Variants in UGT1A10 observed in about 807,000 individuals in gnomAD.
UGT1A10 encodes UDP-glucuronosyltransferase 1A10.
In UGT1A10, 49 loss-of-function variants were observed where a neutral mutation model predicts 45.8. That is an observed-to-expected ratio of 1.07 (90% CI 0.85 to 1.36). UGT1A10 has a LOEUF of 1.36. Ranked by LOEUF, UGT1A10 falls within the 40% of genes most tolerant of loss-of-function variation. UGT1A10 has a pLI of 0.00. For synonymous variants in UGT1A10, 284 were observed against 249.7 expected, an observed-to-expected ratio of 1.14 and a Z score of -1.29; for missense variants, 745 against 668.6, an observed-to-expected ratio of 1.11 and a Z score of -1.26.
rs1699786143 is a variant in UGT1A10 at position 233,769,071 on chromosome 2, C to T, written c.1295+632C>T. Among the ~76,000 whole-genome samples, 1 of 152,122 alleles carries T rather than the reference C, an allele frequency of 6.6e-6. No homozygotes were observed. The highest frequency in any genetic ancestry group is 2.1e-4 in the South Asian group (1 of 4,832). On this transcript the variant is annotated intron_variant, in intron 4 of 4. Transcript: ENST00000344644. The surrounding 1 kb of genome is among the most constrained non-coding windows in gnomAD (Gnocchi z 4.4). ...TAAGTTTCCTGCACAGAAAGAAATA[C>T]TCCATTATAAGAAGCATAGTATCTT...
intron 1 of UGT1A10, among the ~76,000 whole-genome samples, chr2:233,764,636 A>G (rs757477318): frequency 9.9e-5 from 15 of 152,106 alleles, no homozygotes; most frequent in Non-Finnish European, 1.9e-4. Flanking sequence ...CAAAGGTCCT[A>G]GGAAATTTAA....
At position 233,636,936 on chromosome 2, in the gene UGT1A10, G is replaced by A. The variant is rs1322316630; in HGVS notation, c.414G>A (p.Lys138=). The change falls in exon 1 of 5, where the codon AAG becomes AAA. Residue 138 remains lysine, a synonymous_variant. Coordinates refer to ENST00000344644, the MANE Select transcript of UGT1A10 (RefSeq NM_019075.4). ...ACCGAAAATTAGTAGAATACTTAAAGGAGAGTTCTTTTGATGCAGTGTTTC... is the reference window on the plus strand; with the variant it reads ...ACCGAAAATTAGTAGAATACTTAAAAGAGAGTTCTTTTGATGCAGTGTTTC... ...FNDRKLVEYL[K]ESSFDAVFLD... The A allele has an allele frequency of 3.7e-6, 6 of 1,613,980 alleles. No individual in the cohort carries two copies. In the Admixed American group the frequency reaches 6.7e-5, roughly 18 times the overall value.
intron 1 of UGT1A10, among the ~76,000 whole-genome samples, chr2:233,652,482 G>A (rs1023767672): frequency 6.6e-6 from 1 of 152,060 alleles, no homozygotes; most frequent in African/African-American, 2.4e-5. Flanking sequence ...TTCACTAAAT[G>A]TAAGAAATAA....
At chr2:233,732,348 G>A (rs2078262793) in intron 1 of UGT1A10, among the ~76,000 whole-genome samples, 1 of 152,214 alleles carries the variant, frequency 6.6e-6, no homozygotes, top group Non-Finnish European at 1.5e-5. Context: ...TGGTGTTTTA[G>A]TCATGAAGTC....
intron 1 of UGT1A10, chr2:233,729,631 A>C (rs141036072): frequency 6.2e-7 from 1 of 1,613,646 alleles, no homozygotes; most frequent in Non-Finnish European, 8.5e-7. Context: ...GTCGATTCCT[A>C]CTGTGTTTTT....
chr2:233,694,499 A>G (rs1315589494), intron 1 of UGT1A10, among the ~76,000 whole-genome samples: 1 of 152,222 alleles, frequency 6.6e-6, no homozygotes, highest in African/African-American at 2.4e-5. Flanking sequence ...GTGTTTACAG[A>G]TGCCCTCCTG....
chr2:233,747,196 T>C, intron 1 of UGT1A10: 1 of 1,604,480 alleles, frequency 6.2e-7, no homozygotes, highest in Non-Finnish European at 8.5e-7. Flanking sequence ...CAGTCAGCTG[T>C]CCGTGTCTTC....
intron 1 of UGT1A10, among the ~76,000 whole-genome samples, chr2:233,658,221 G>A (rs1487906584): frequency 1.3e-5 from 2 of 152,090 alleles, no homozygotes; most frequent in Non-Finnish European, 2.9e-5. Context: ...GTTTCACCAT[G>A]TTGACCAGGC....
intron 1 of UGT1A10, among the ~76,000 whole-genome samples, chr2:233,696,207 T>C (rs1053095318): frequency 6.6e-6 from 1 of 152,240 alleles, no homozygotes; most frequent in Non-Finnish European, 1.5e-5. Context: ...ATGTTTATTA[T>C]AGCACTATTC....
chr2:233,639,151 A>G (rs1410412373), intron 1 of UGT1A10, among the ~76,000 whole-genome samples: 1 of 152,232 alleles, frequency 6.6e-6, no homozygotes, highest in African/African-American at 2.4e-5. Context: ...TATCTATAAA[A>G]AATGAAACAT....
At chr2:233,681,302 G>A (rs1444102489) in intron 1 of UGT1A10, among the ~76,000 whole-genome samples, 4 of 151,962 alleles carry the variant, frequency 2.6e-5, no homozygotes, top group African/African-American at 7.2e-5. Flanking sequence ...GGGAGGCCGA[G>A]ATGGGCAGAT....
At chr2:233,760,803 GC>G (rs773292758) in intron 1 of UGT1A10, 1 of 1,613,342 alleles carries the variant, frequency 6.2e-7, no homozygotes, top group South Asian at 1.1e-5. Flanking sequence ...TATTCTTCTT[GC>G]ATGCACTGCC....
In UGT1A10 at chr2:233,637,129, T is replaced by C. The variant is rs2073315748; in HGVS notation, c.607T>C (p.Phe203Leu). The C allele has an allele frequency of 6.2e-7, 1 of 1,613,848 alleles. No homozygotes were observed. Among genetic ancestry groups the C allele is most frequent in the Admixed American group, 1.7e-5 (1 of 59,994 alleles). Residue 203 changes from phenylalanine to leucine, a missense_variant, in exon 1 of 5, where the codon TTC becomes CTC. Phe to Leu is a conservative substitution (Grantham distance 22). Transcript: ENST00000344644. ...DLLGFSDAMT[F>L]KERVWNHIVH... ...CTTAGGGTTCTCAGATGCCATGACT[T>C]TCAAGGAGAGAGTATGGAACCACAT...
rs1559415650 is a variant in UGT1A10, at chr2:233,768,355, A to G, written c.1211A>G (p.Lys404Arg). ...GACAATGCAAAGCGCATGGAGACTA[A>G]GGGAGCTGGAGTGACCCTGAATGTT... is the stretch of plus-strand genomic sequence containing the variant. The part of the protein sequence containing the change: ...QMDNAKRMET[K>R]GAGVTLNVLE... The change falls in exon 4 of 5, where the codon AAG becomes AGG. Residue 404 changes from lysine to arginine, a missense_variant. Coordinates refer to ENST00000344644, the MANE Select transcript of UGT1A10 (RefSeq NM_019075.4). The G allele has an allele frequency of 6.2e-7, 1 of 1,614,200 alleles. No individual in the cohort carries two copies. The highest frequency in any genetic ancestry group is 1.1e-5 in the South Asian group (1 of 91,084).
Position 233,648,154 on chromosome 2 carries a change from T to C in UGT1A10, c.855+10777T>C, listed in dbSNP as rs144106938. On this transcript the variant is annotated intron_variant, in intron 1 of 4. Transcript: ENST00000344644. Reference sequence around the variant, plus strand: ...GGAAGCAGAAGTACGACGCTTATTTTCTCTATTAATGAGTTCATCCAAATG... The same window carrying C: ...GGAAGCAGAAGTACGACGCTTATTTCCTCTATTAATGAGTTCATCCAAATG... 11,429 of 1,185,078 alleles carry C rather than the reference T, an allele frequency of 9.6e-3. 144 individuals carry two copies. The highest frequency in any genetic ancestry group is 9.2e-3 in the Non-Finnish European group (7,774 of 847,752). The allele number at this position is 1,185,078 out of a possible 1,614,324, so 73.4% of individuals were successfully genotyped here.
rs1328380095 is a variant in UGT1A10, at chr2:233,769,540, G to A, written c.1295+1101G>A. On this transcript the variant is annotated intron_variant, in intron 4 of 4. Coordinates refer to ENST00000344644, the MANE Select transcript of UGT1A10 (RefSeq NM_019075.4). The surrounding 1 kb of genome is among the most constrained non-coding windows in gnomAD (Gnocchi z 4.4). ...TGGTTACCTCCTTTAGAAAGAAGCA[G>A]CAGTCAGGAAGACAGATGTGAAGAG... The A allele has an allele frequency of 1.9e-6, 3 of 1,612,926 alleles. No homozygotes were observed. In the South Asian group the frequency reaches 3.3e-5, roughly 18 times the overall value.
chr2:233,693,979 G>A, intron 1 of UGT1A10: 1 of 1,559,558 alleles, frequency 6.4e-7, no homozygotes. Context: ...AGAAACGGTG[G>A]GGGGAAGTGA....
intron 1 of UGT1A10, among the ~76,000 whole-genome samples, chr2:233,667,595 A>G (rs2074104713): frequency 6.6e-6 from 1 of 152,244 alleles, no homozygotes. Context: ...GTGAACAGGC[A>G]ACTTACAGAA....
chr2:233,717,022 C>A (rs889344581), intron 1 of UGT1A10, among the ~76,000 whole-genome samples: 1 of 152,198 alleles, frequency 6.6e-6, no homozygotes, highest in African/African-American at 2.4e-5. Context: ...AAGGCACCAC[C>A]ATCTTCCAAG....
Sources: allele counts gnomAD v4.1 joint callset (sites outside exome capture counted in the v4.1 genomes callset), GRCh38; gene constraint gnomAD v4.1.1; non-coding constraint Gnocchi (gnomAD v3.1); transcripts MANE v1.5; gene names NCBI Gene and HGNC (gene_info 2026-07-23, HGNC 2026-07-21).